The following STOX2 variants were observed in gnomAD, a reference collection of about 807,000 sequenced individuals.
STOX2 encodes storkhead box 2, also known as storkhead-box protein 2.
Under a neutral mutation model 60.9 loss-of-function variants are expected in STOX2, and 28 were observed. The observed-to-expected ratio is 0.46, with a 90% confidence interval of 0.34 to 0.63. The LOEUF is 0.63. Among genes scored for constraint, STOX2 ranks in the 30% least tolerant of loss-of-function variants. STOX2 has a pLI of 0.01. For missense variants in STOX2, 1,024 were observed against 1,187.7 expected (o/e 0.86, Z 2.03); for synonymous variants, 472 against 463.9 (o/e 1.02, Z -0.22).
chr4:183,848,476 A>G (rs1740036279), intron 1 of STOX2, among the ~76,000 whole-genome samples: 1 of 152,214 alleles, frequency 6.6e-6, no homozygotes, highest in South Asian at 2.1e-4. Flanking sequence ...TCGTATATCC[A>G]TCACTGGCCA....
rs1740552233 is a variant in STOX2 at position 183,865,874 on chromosome 4, C to G, written c.364+67819C>G. ...TGGAAGGCTTTTTTCTTTTTAACCA[C>G]TTAGGCATTGTGAGTCCATTAAAAC... is the stretch of plus-strand genomic sequence containing the variant. On this transcript the variant is annotated intron_variant, in intron 1 of 2. Transcript: ENST00000513034. This position sits in a 1 kb window ranked among gnomAD's most constrained non-coding sequence, Gnocchi z 4.1. Among the ~76,000 whole-genome samples the G allele has an allele frequency of 6.6e-6, 1 of 152,090 alleles. No individual in the cohort carries two copies. The highest frequency in any genetic ancestry group is 2.4e-5 in the African/African-American group (1 of 41,402).
intron 1 of STOX2, among the ~76,000 whole-genome samples, chr4:183,975,771 G>C (rs558967682): frequency 6.6e-6 from 1 of 152,234 alleles, no homozygotes; most frequent in Non-Finnish European, 1.5e-5. Context: ...AATTCTGTAA[G>C]ATCTTTTTCA....
intron 1 of STOX2, among the ~76,000 whole-genome samples, chr4:183,939,588 A>G (rs947641107): frequency 2.6e-5 from 4 of 151,870 alleles, no homozygotes; most frequent in Non-Finnish European, 1.5e-5. Flanking sequence ...GCGACTACAG[A>G]TGGTCACAGA....
chr4:183,946,102 A>G (rs1485904097), intron 1 of STOX2, among the ~76,000 whole-genome samples: 1 of 152,228 alleles, frequency 6.6e-6, no homozygotes, highest in East Asian at 1.9e-4. Context: ...TTCTAAAACA[A>G]ATAAATACGA....
intron 2 of STOX2, among the ~76,000 whole-genome samples, chr4:184,006,685 CAAAAAAAA>C (rs1199363509): frequency 1.3e-5 from 1 of 76,540 alleles, no homozygotes; most frequent in Non-Finnish European, 2.3e-5. Flanking sequence ...GACCCTGTCT[CAAAAAAAA>C]AAAAAAAAAA....
At chr4:183,948,729 A>G (rs1005952230) in intron 1 of STOX2, among the ~76,000 whole-genome samples, 1 of 151,840 alleles carries the variant, frequency 6.6e-6, no homozygotes, top group Non-Finnish European at 1.5e-5. Context: ...ATGGGCTTTC[A>G]GCATGTTAGT....
At chr4:183,915,486 C>T (rs1305968560) in intron 1 of STOX2, among the ~76,000 whole-genome samples, 1 of 151,718 alleles carries the variant, frequency 6.6e-6, no homozygotes, top group African/African-American at 2.4e-5. Context: ...TGTCATTCCT[C>T]ATTGTTACGC....
intron 1 of STOX2, among the ~76,000 whole-genome samples, chr4:183,842,877 T>A (rs1739895992): frequency 6.6e-6 from 1 of 151,726 alleles, no homozygotes; most frequent in South Asian, 2.1e-4. Flanking sequence ...AGGCCGGGTG[T>A]GGTGGCTCAC....
chr4:184,007,490 G>A (rs116804441), intron 2 of STOX2, among the ~76,000 whole-genome samples: 1,903 of 152,234 alleles, frequency 0.013, 22 homozygotes, highest in Non-Finnish European at 0.018. Flanking sequence ...CTCCACACAC[G>A]AAACTCCTTT....
Position 183,917,888 on chromosome 4 carries a change from T to C in STOX2, c.166+10932T>C, listed in dbSNP as rs79838998. On this transcript the variant is annotated intron_variant, in intron 1 of 3. Coordinates refer to ENST00000308497, the MANE Select transcript of STOX2 (RefSeq NM_020225.3). The stretch of plus-strand genomic sequence containing the variant: ...ATCCTAACAATCTATGTTATCAGTC[T>C]ATCCTCTGTTTTCTTATATTTAAGA... Among the ~76,000 whole-genome samples, 973 of 152,380 alleles carry C rather than the reference T, an allele frequency of 6.4e-3. 7 individuals are homozygous for C. Among genetic ancestry groups the C allele is most frequent in the Non-Finnish European group, 9.9e-3 (674 of 68,042 alleles).
At chr4:183,885,155 C>G (rs7657887) in intron 1 of STOX2, among the ~76,000 whole-genome samples, 2,074 of 152,074 alleles carry the variant, frequency 0.014, 12 homozygotes, top group Non-Finnish European at 0.017. Flanking sequence ...TCCTACTCCC[C>G]CATCAGAGTA....
At chr4:183,859,517 G>A (rs763358350) in intron 1 of STOX2, among the ~76,000 whole-genome samples, 4 of 152,210 alleles carry the variant, frequency 2.6e-5, no homozygotes, top group African/African-American at 7.2e-5. Context: ...GCCTGGGAAG[G>A]GCAGGGGCCA....
chr4:183,815,408 AATAGCATAT>A (rs1739132862), intron 1 of STOX2, among the ~76,000 whole-genome samples: 1 of 152,206 alleles, frequency 6.6e-6, no homozygotes, highest in African/African-American at 2.4e-5. Flanking sequence ...GATGACACTT[AATAGCATAT>A]ATTAAATTTA....
chr4:183,901,823 C>T (rs1330826196), upstream of STOX2, among the ~76,000 whole-genome samples: 4 of 152,014 alleles, frequency 2.6e-5, no homozygotes, highest in Admixed American at 2.6e-4. Flanking sequence ...TCTCTGCATA[C>T]TCTGGATATC....
intron 1 of STOX2, among the ~76,000 whole-genome samples, chr4:183,908,591 A>C (rs1452506194): frequency 2.0e-5 from 1 of 50,866 alleles, no homozygotes; most frequent in African/African-American, 7.7e-5. Context: ...CCAGGCAGCC[A>C]GTTTTTTTTT....
intron 1 of STOX2, among the ~76,000 whole-genome samples, chr4:183,800,340 G>A (rs1211947920): frequency 1.3e-5 from 2 of 152,052 alleles, no homozygotes; most frequent in Non-Finnish European, 2.9e-5. Context: ...GTGATATGGG[G>A]GATCCTGGCT....
At chr4:184,005,786 CAT>C (rs1733800182) in intron 2 of STOX2, among the ~76,000 whole-genome samples, 1 of 152,188 alleles carries the variant, frequency 6.6e-6, no homozygotes. Context: ...CAATGATAAT[CAT>C]AAACATAAGC....
chr4:183,868,673 C>CTCAGTTT (rs1255279128), intron 1 of STOX2, among the ~76,000 whole-genome samples: 2 of 152,200 alleles, frequency 1.3e-5, no homozygotes, highest in African/African-American at 4.8e-5. Context: ...AATTTAGATG[C>CTCAGTTT]TCAGTTTTTC....
intron 1 of STOX2, among the ~76,000 whole-genome samples, chr4:183,798,994 C>A (rs1738699229): frequency 6.6e-6 from 1 of 152,150 alleles, no homozygotes; most frequent in Non-Finnish European, 1.5e-5. Context: ...TTCAGAAATT[C>A]TTTCTTGACA....
Sources: allele counts gnomAD v4.1 joint callset (sites outside exome capture counted in the v4.1 genomes callset), GRCh38; gene constraint gnomAD v4.1.1; non-coding constraint Gnocchi (gnomAD v3.1); transcripts MANE v1.5; gene names NCBI Gene and HGNC (gene_info 2026-07-23, HGNC 2026-07-21).